CLEC18A: variants seen among roughly 807,000 people sequenced by gnomAD.
CLEC18A encodes mannose receptor-like 1.
In CLEC18A, 5 loss-of-function variants were observed where a neutral mutation model predicts 24.0. The observed-to-expected ratio is 0.21, with a 90% CI of 0.11 to 0.44. CLEC18A has a LOEUF of 0.44. Ranked by LOEUF, CLEC18A falls within the 20% of genes least tolerant of loss-of-function variation. The pLI is 0.99. For synonymous variants in CLEC18A, 29 were observed against 100.1 expected (o/e 0.29, Z 4.24); for missense variants, 83 against 233.4 (o/e 0.36, Z 4.20).
chr16:69,953,989 A>T (rs1376528181), intron 2 of CLEC18A, among the ~76,000 whole-genome samples: 1 of 145,800 alleles, frequency 6.9e-6, no homozygotes, highest in South Asian at 2.3e-4. Context: ...CTTTCTGACA[A>T]TGGCCAGGGC....
At chr16:69,946,392 A>ATTTTTT (rs56112480), upstream of CLEC18A, among the ~76,000 whole-genome samples, 7 of 84,058 alleles carry the variant, frequency 8.3e-5, no homozygotes, top group African/African-American at 2.0e-4. Flanking sequence ...ATGTGTATGG[A>ATTTTTT]TTTTTTTTTT....
At chr16:69,953,018 G>A (rs952152299) in intron 2 of CLEC18A, 1 of 150,016 alleles carries the variant, frequency 6.7e-6, no homozygotes, top group South Asian at 2.1e-4. Flanking sequence ...GACCTCCGTG[G>A]TTGGGTACTC....
upstream of CLEC18A, among the ~76,000 whole-genome samples, chr16:69,948,494 A>C (rs190541328): frequency 1.4e-3 from 207 of 151,996 alleles, no homozygotes; most frequent in African/African-American, 4.7e-3. Context: ...CTTCAAATGC[A>C]GACTGGGAGA....
At chr16:69,944,276 A>T in the CLEC18A span, among the ~76,000 whole-genome samples, 1 of 149,426 alleles carries the variant, frequency 6.7e-6, no homozygotes. Context: ...AGCCTGGGCA[A>T]CAGATCCCTT....
chr16:69,943,739 T>C, the CLEC18A span, among the ~76,000 whole-genome samples: 1 of 147,112 alleles, frequency 6.8e-6, no homozygotes, highest in Non-Finnish European at 1.5e-5. Context: ...TGTGAGCTGA[T>C]ATAGCCATGC....
At chr16:69,945,735 A>G (rs1173490169), upstream of CLEC18A, among the ~76,000 whole-genome samples, 2 of 152,266 alleles carry the variant, frequency 1.3e-5, no homozygotes, top group Non-Finnish European at 2.9e-5. Flanking sequence ...GGGGAGAATT[A>G]CCATCTATCT....
At position 69,954,694 on chromosome 16, in the gene CLEC18A, A is replaced by C; in HGVS notation, c.456+121A>C. 4 of 1,483,494 alleles carry C rather than the reference A, an allele frequency of 2.7e-6. No individual in the cohort carries two copies. The South Asian group carries it at 5.6e-5, about 21-fold the overall frequency. The allele number at this position is 1,483,494 out of a possible 1,614,324, so 91.9% of individuals were successfully genotyped here. ...GGATTCCTTTTCCTCCAATTGGTTT[A>C]GTTTTACTTTTTTTTTTTTTTGATA... On this transcript the variant is annotated intron_variant, in intron 3 of 11. Transcript: ENST00000288040.
intron 3 of CLEC18A, among the ~76,000 whole-genome samples, chr16:69,955,448 T>G (rs1438848996): frequency 6.6e-6 from 1 of 151,538 alleles, no homozygotes; most frequent in Non-Finnish European, 1.5e-5. Flanking sequence ...CCTCCCAGAT[T>G]CAAGTGACTG....
Position 69,962,913 on chromosome 16 carries a change from C to G in CLEC18A, c.1212-63C>G. On this transcript the variant is annotated intron_variant, in intron 10 of 11. Coordinates refer to ENST00000288040, the MANE Select transcript of CLEC18A (RefSeq NM_001370523.4). Reference sequence around the variant, plus strand: ...ATGCAGGGTCCTGATGGGTGGAGGGCTTAGGCCTCTCCCGGTCCCTGACTT... The same window carrying G: ...ATGCAGGGTCCTGATGGGTGGAGGGGTTAGGCCTCTCCCGGTCCCTGACTT... 5 of 1,372,880 alleles carry G rather than the reference C, an allele frequency of 3.6e-6. 1 individual carries two copies. Among genetic ancestry groups the G allele is most frequent in the Non-Finnish European group, 5.1e-6 (5 of 985,934 alleles). 85.0% of individuals were successfully genotyped at this position (1,372,880 alleles called of 1,614,324 possible).
chr16:69,966,270 T>C (rs913492581), downstream of CLEC18A, among the ~76,000 whole-genome samples: 1 of 150,460 alleles, frequency 6.6e-6, no homozygotes, highest in Non-Finnish European at 1.5e-5. Flanking sequence ...CCACTTGTGT[T>C]TAGCTTCTGT....
upstream of CLEC18A, among the ~76,000 whole-genome samples, chr16:69,948,209 G>A (rs1168476617): frequency 2.4e-5 from 2 of 83,430 alleles, no homozygotes; most frequent in Non-Finnish European, 2.4e-5. Context: ...TAGAGACGGG[G>A]TTTCACCATG....
At chr16:69,955,840 G>T (rs1169663621) in intron 3 of CLEC18A, among the ~76,000 whole-genome samples, 2 of 151,756 alleles carry the variant, frequency 1.3e-5, no homozygotes, top group African/African-American at 4.9e-5. Flanking sequence ...AATATTTGTT[G>T]AGGGTCTTCT....
chr16:69,953,910 C>CAG (rs1490021126), intron 2 of CLEC18A: 2 of 311,690 alleles, frequency 6.4e-6, no homozygotes, highest in African/African-American at 4.3e-5. Context: ...GAGACTAGGG[C>CAG]AGAGAGGCGT....
chr16:69,953,245 T>TG (rs2058980507), intron 2 of CLEC18A: 1 of 152,012 alleles, frequency 6.6e-6, no homozygotes. Flanking sequence ...CTGAAGGTCT[T>TG]GTGGGGGTGG....
the CLEC18A span, among the ~76,000 whole-genome samples, chr16:69,945,139 A>C: frequency 6.7e-6 from 1 of 148,532 alleles, no homozygotes; most frequent in Non-Finnish European, 1.5e-5. Flanking sequence ...AAAAAAAAAA[A>C]AGTAGCTGGG....
At chr16:69,965,054 G>A (rs1453774112), downstream of CLEC18A, among the ~76,000 whole-genome samples, 1 of 151,646 alleles carries the variant, frequency 6.6e-6, no homozygotes, top group African/African-American at 2.4e-5. Context: ...CGCCATCCTG[G>A]GCCTCCCAAA....
upstream of CLEC18A, among the ~76,000 whole-genome samples, chr16:69,948,536 G>A (rs2058915471): frequency 6.6e-6 from 1 of 151,886 alleles, no homozygotes; most frequent in Non-Finnish European, 1.5e-5. Context: ...GCTGGAGAGG[G>A]GTGGGATAGA....
chr16:69,964,685 A>G (rs1597217334), downstream of CLEC18A, among the ~76,000 whole-genome samples: 1 of 149,672 alleles, frequency 6.7e-6, no homozygotes, highest in East Asian at 2.0e-4. Flanking sequence ...TTGTATTTTT[A>G]GTAGAGACGG....
chr16:69,965,463 G>A (rs1959354100), downstream of CLEC18A, among the ~76,000 whole-genome samples: 3 of 151,818 alleles, frequency 2.0e-5, no homozygotes, highest in African/African-American at 7.3e-5. Context: ...CGCGGGAGGT[G>A]GGTGACCCGG....
Sources: gnomAD v4.1 joint callset for allele counts (sites outside exome capture counted in the v4.1 genomes callset) on GRCh38, gnomAD v4.1.1 for gene constraint, MANE v1.5 for transcripts, NCBI Gene and HGNC (gene_info 2026-07-23, HGNC 2026-07-21) for gene names.